Variants in EIF4A1 observed in about 807,000 individuals in gnomAD.
The protein encoded by EIF4A1 is eukaryotic initiation factor 4A-I.
Under a neutral mutation model 53.5 loss-of-function variants are expected in EIF4A1, and 11 were observed. The observed-to-expected ratio is 0.21, with a 90% confidence interval of 0.13 to 0.34. The LOEUF is 0.34. EIF4A1 is among the 10% of genes least tolerant of loss of function. The probability of loss-of-function intolerance (pLI) is 1.00; values close to 1 mark genes in which losing one functional copy is unlikely to be tolerated. For synonymous variants in EIF4A1, 237 were observed against 186.7 expected, an observed-to-expected ratio of 1.27 and a Z score of -2.20; for missense variants, 213 against 530.8, an observed-to-expected ratio of 0.40 and a Z score of 5.88.
chr17:7,574,852 C>T (rs781565694), intron 3 of EIF4A1, 174 bp downstream of exon 3: 3 of 1,197,706 alleles, frequency 2.5e-6, no homozygotes, highest in Non-Finnish European at 3.7e-6. Flanking sequence ...ACATAGGTTT[C>T]CTTTAAAGAG....
At position 7,578,714 on chromosome 17, in the gene EIF4A1, A is replaced by AG; in HGVS notation, c.*228_*229insG. ...GGCTCTTCTCCCAAAAAAAAAAAAAAAACACTAATCCATTTCCCTAACCTA... is the reference window on the plus strand; with the variant it reads ...GGCTCTTCTCCCAAAAAAAAAAAAAAGAACACTAATCCATTTCCCTAACCTA... On this transcript the variant is annotated 3_prime_UTR_variant, in exon 11 of 11. Coordinates refer to ENST00000293831, the MANE Select transcript of EIF4A1 (RefSeq NM_001416.4). 1 of 403,076 alleles carries AG rather than the reference A, an allele frequency of 2.5e-6. No individual in the cohort carries two copies. Among genetic ancestry groups the AG allele is most frequent in the Non-Finnish European group, 4.3e-6 (1 of 232,448 alleles). 25.0% of individuals were successfully genotyped at this position (403,076 alleles called of 1,614,324 possible).
At chr17:7,573,088 C>T (rs539138629) in intron 1 of EIF4A1, 2 of 687,316 alleles carry the variant, frequency 2.9e-6, no homozygotes, top group Non-Finnish European at 4.9e-6. Flanking sequence ...CGTGCGAGGT[C>T]TGTTACGAGG....
At chr17:7,578,030 G>A in intron 9 of EIF4A1, 114 bp downstream of exon 9, 2 of 1,566,920 alleles carry the variant, frequency 1.3e-6, no homozygotes, top group Non-Finnish European at 1.8e-6. Context: ...AATCTGGCAT[G>A]CCTAAGGCCT....
At chr17:7,575,376 A>G (rs542592038) in intron 4 of EIF4A1, 118 bp downstream of exon 4, 3 of 1,394,886 alleles carry the variant, frequency 2.2e-6, no homozygotes, top group Non-Finnish European at 2.0e-6. Flanking sequence ...GTGCCCTAAC[A>G]CTCTCGAGAC....
At position 7,577,761 on chromosome 17, in the gene EIF4A1, T is replaced by C; in HGVS notation, c.906+55T>C. The C allele has an allele frequency of 6.2e-7, 1 of 1,614,058 alleles. No homozygotes were observed. Among genetic ancestry groups the C allele is most frequent in the Non-Finnish European group, 8.5e-7 (1 of 1,180,010 alleles). On this transcript the variant is annotated intron_variant, in intron 8 of 10. Transcript: ENST00000293831. The surrounding 1 kb of genome is among the most constrained non-coding windows in gnomAD (Gnocchi z 4.7). ...GGTCTGCCCGTCAGAAGTGTCCTAC[T>C]TGAAGCCAGGGTTCCTGGAACCCAG... is the stretch of plus-strand genomic sequence containing the variant.
At chr17:7,576,965 T>C (rs374445548) in intron 5 of EIF4A1, 91 bp from the exon 6 acceptor site, 1 of 1,485,636 alleles carries the variant, frequency 6.7e-7, no homozygotes, top group Non-Finnish European at 9.4e-7. Context: ...ACTACTTGGC[T>C]CCTCTCTGTT....
intron 5 of EIF4A1, 21 bp downstream of exon 5, chr17:7,576,713 A>G (rs767598786): frequency 4.4e-6 from 7 of 1,586,240 alleles, no homozygotes; most frequent in South Asian, 2.3e-5. Flanking sequence ...CGGTTCTCCA[A>G]TCCCCTGGGT....
intron 1 of EIF4A1, chr17:7,574,059 C>T (rs1241370002): frequency 3.2e-6 from 2 of 621,016 alleles, no homozygotes; most frequent in East Asian, 2.8e-5. Flanking sequence ...GGTGGCCTGG[C>T]CTGAGCCGCT....
chr17:7,576,002 G>T (rs527872511), intron 4 of EIF4A1: 1 of 155,450 alleles, frequency 6.4e-6, no homozygotes, highest in East Asian at 1.9e-4. Flanking sequence ...GTGAAACCCC[G>T]CTTCTACTAA....
intron 1 of EIF4A1, chr17:7,573,110 G>A (rs903967924): frequency 1.8e-5 from 11 of 625,254 alleles, no homozygotes; most frequent in Admixed American, 8.9e-5. Flanking sequence ...CTCGACCCGA[G>A]GCGGTGCCAT....
In EIF4A1 at chr17:7,577,936, A is replaced by G. The variant is rs1567735543; in HGVS notation, c.996+20A>G. On this transcript the variant is annotated intron_variant, in intron 9 of 10. Transcript: ENST00000293831. This position sits in a 1 kb window ranked among gnomAD's most constrained non-coding sequence, Gnocchi z 4.7. ...CTGCTGGTGAGTAGAGGGAACTGAT[A>G]GCAAAGGCAGAAGGGAGGATCCAAG... The G allele has an allele frequency of 1.2e-6, 2 of 1,614,086 alleles. No individual in the cohort carries two copies. Among genetic ancestry groups the G allele is most frequent in the South Asian group, 1.1e-5 (1 of 91,078 alleles).
At position 7,578,337 on chromosome 17, in the gene EIF4A1, T is replaced by G; in HGVS notation, c.1077-5T>G. The G allele has an allele frequency of 3.1e-6, 5 of 1,612,628 alleles. No individual in the cohort carries two copies. Among genetic ancestry groups the G allele is most frequent in the Non-Finnish European group, 4.2e-6 (5 of 1,179,046 alleles). ...ATATTCCTCATCCCCTTCCTTGTTT[T>G]CCAGAATCGGTCGAGGTGGACGGTT... On this transcript the variant is annotated splice_polypyrimidine_tract_variant and splice_region_variant and intron_variant, in intron 10 of 10. Transcript: ENST00000293831.
At chr17:7,576,761 TA>T in intron 5 of EIF4A1, 69 bp downstream of exon 5, 1 of 1,559,298 alleles carries the variant, frequency 6.4e-7, no homozygotes, top group South Asian at 1.2e-5. Flanking sequence ...TCTTTCAGCG[TA>T]AGCCAGAGTC....
intron 5 of EIF4A1, 28 bp downstream of exon 5, chr17:7,576,720 G>T: frequency 6.3e-7 from 1 of 1,580,546 alleles, no homozygotes; most frequent in South Asian, 1.2e-5. Flanking sequence ...CCAATCCCCT[G>T]GGTCACTTTG....
At position 7,572,978 on chromosome 17, in the gene EIF4A1, T is replaced by TC. The variant is rs2071343611; in HGVS notation, c.23+114_23+115insC. 1.2e-5 allele frequency: 19 copies of TC among 1,580,236 alleles called. No individual in the cohort carries two copies. The Admixed American group carries it at 3.2e-4, about 27-fold the overall frequency. ...GGGTTGCGGGAGAAACCGAACCGGG[T>TC]GGGGGGAGGGTCCGACTTGGAGGGG... On this transcript the variant is annotated intron_variant, in intron 1 of 10. Transcript: ENST00000293831.
At chr17:7,573,351 C>G (rs896561174) in intron 1 of EIF4A1, 1 of 198,606 alleles carries the variant, frequency 5.0e-6, no homozygotes, top group Non-Finnish European at 1.0e-5. Flanking sequence ...AAACACGGGT[C>G]GGGGAGAAGA....
chr17:7,574,357 C>A (rs994880792), intron 2 of EIF4A1, 49 bp downstream of exon 2: 1 of 1,613,496 alleles, frequency 6.2e-7, no homozygotes, highest in Non-Finnish European at 8.5e-7. Context: ...CAACTTTCAG[C>A]CGTATAGAGT....
chr17:7,572,846 C>G lies in EIF4A1; in HGVS notation c.5C>G (p.Ser2Cys), dbSNP rs139517056. 2 of 1,614,178 alleles carry G rather than the reference C, an allele frequency of 1.2e-6. No homozygotes were observed. The highest frequency in any genetic ancestry group is 1.1e-5 in the South Asian group (1 of 91,092). ...CCGCCCTAGTTTCTAAGGATCATGT[C>G]TGCGAGCCAGGATTCCCGGTAAGAA... is the stretch of plus-strand genomic sequence containing the variant. MSASQDSRSRDN... is the reference protein window; with the variant it reads MCASQDSRSRDN... The change falls in exon 1 of 11, where the codon TCT (serine) becomes TGT (cysteine). Residue 2 changes from serine to cysteine, a missense_variant. This residue lies in a region of EIF4A1 where 53 missense variants were observed against 34.0 expected (regional missense o/e 1.56). Coordinates refer to ENST00000293831, the MANE Select transcript of EIF4A1 (RefSeq NM_001416.4).
In EIF4A1 at chr17:7,572,978, T is replaced by TG. The variant is rs932883246; in HGVS notation, c.23+120dup. ...GGGTTGCGGGAGAAACCGAACCGGG[T>TG]GGGGGGAGGGTCCGACTTGGAGGGG... On this transcript the variant is annotated intron_variant, in intron 1 of 10. Transcript: ENST00000293831. 3.7e-5 allele frequency: 59 copies of TG among 1,580,346 alleles called. No homozygotes were observed. The African/African-American group carries it at 5.1e-4, about 14-fold the overall frequency.
Sources: allele counts gnomAD v4.1 joint callset, GRCh38; gene constraint gnomAD v4.1.1; regional missense constraint gnomAD v4.1.1; non-coding constraint Gnocchi (gnomAD v3.1); transcripts MANE v1.5; gene names NCBI Gene and HGNC (gene_info 2026-07-23, HGNC 2026-07-21).